Variants in THSD7A observed in about 807,000 individuals in gnomAD.
THSD7A encodes thrombospondin type 1 domain containing 7A.
A neutral mutation model predicts 231.3 loss-of-function variants in THSD7A; 96 were observed. That is an observed-to-expected ratio of 0.41 (90% CI 0.35 to 0.49). The LOEUF is 0.49. THSD7A is among the 20% of genes least tolerant of loss of function. The pLI is 0.05. For synonymous variants in THSD7A, 940 were observed against 743.3 expected, an observed-to-expected ratio of 1.26 and a Z score of -4.30; for missense variants, 2,290 against 2,070.2, an observed-to-expected ratio of 1.11 and a Z score of -2.06.
chr7:11,584,275 A>G (rs1791297919), intron 4 of THSD7A, among the ~76,000 whole-genome samples: 1 of 152,156 alleles, frequency 6.6e-6, no homozygotes, highest in Non-Finnish European at 1.5e-5. Context: ...AAAAATATAT[A>G]TGCAATTATT....
chr7:11,807,274 T>G (rs1784423211), intron 1 of THSD7A, among the ~76,000 whole-genome samples: 1 of 152,064 alleles, frequency 6.6e-6, no homozygotes, highest in Non-Finnish European at 1.5e-5. Flanking sequence ...AGGGACTGGG[T>G]GTGCAAATGA....
chr7:11,624,283 C>G (rs1584102010), intron 2 of THSD7A, among the ~76,000 whole-genome samples: 1 of 152,066 alleles, frequency 6.6e-6, no homozygotes, highest in African/African-American at 2.4e-5. Flanking sequence ...CCCCTCCAAT[C>G]CATTCTGCAT....
At chr7:11,494,869 A>G (rs1787036045) in intron 6 of THSD7A, among the ~76,000 whole-genome samples, 1 of 152,108 alleles carries the variant, frequency 6.6e-6, no homozygotes, top group Admixed American at 6.6e-5. Flanking sequence ...ATTTTCTAAA[A>G]TATAGTTTTC....
At chr7:11,435,869 T>C (rs758322622) in intron 13 of THSD7A, among the ~76,000 whole-genome samples, 1 of 151,982 alleles carries the variant, frequency 6.6e-6, no homozygotes, top group African/African-American at 2.4e-5. Flanking sequence ...TTGCAGCTGA[T>C]ATCTGAAGTG....
intron 2 of THSD7A, among the ~76,000 whole-genome samples, chr7:11,602,636 C>T (rs905920851): frequency 1.3e-5 from 2 of 151,854 alleles, no homozygotes; most frequent in Admixed American, 1.3e-4. Context: ...TCAATTTAGA[C>T]AGTTTTGGGT....
chr7:11,815,613 G>A (rs1784667963), intron 1 of THSD7A, among the ~76,000 whole-genome samples: 1 of 152,094 alleles, frequency 6.6e-6, no homozygotes, highest in South Asian at 2.1e-4. Context: ...CACTACCTAA[G>A]ATAGCATTTC....
At chr7:11,655,295 C>G (rs1012884507) in intron 1 of THSD7A, among the ~76,000 whole-genome samples, 1 of 151,902 alleles carries the variant, frequency 6.6e-6, no homozygotes, top group African/African-American at 2.4e-5. Flanking sequence ...GTAACACAGT[C>G]TTTCTGTGTA....
At chr7:11,543,829 C>T (rs1315134687) in intron 4 of THSD7A, among the ~76,000 whole-genome samples, 1 of 151,504 alleles carries the variant, frequency 6.6e-6, no homozygotes, top group Non-Finnish European at 1.5e-5. Context: ...TTTTTTTATG[C>T]CTGCAGTTTG....
At chr7:11,687,306 A>G (rs1019945409) in intron 1 of THSD7A, among the ~76,000 whole-genome samples, 5 of 151,980 alleles carry the variant, frequency 3.3e-5, no homozygotes, top group African/African-American at 1.2e-4. Flanking sequence ...TATATGTTCA[A>G]TTTAAAATCA....
chr7:11,664,681 A>G (rs1244661680), intron 1 of THSD7A, among the ~76,000 whole-genome samples: 1 of 151,980 alleles, frequency 6.6e-6, no homozygotes, highest in Non-Finnish European at 1.5e-5. Context: ...CACTTAAATA[A>G]CTACCAAGAA....
chr7:11,826,068 C>T (rs2128188375), intron 1 of THSD7A, among the ~76,000 whole-genome samples: 1 of 152,130 alleles, frequency 6.6e-6, no homozygotes, highest in South Asian at 2.1e-4. Context: ...AGCATAAGTA[C>T]ACAAAAGTAA....
At chr7:11,491,940 C>T (rs958549791) in intron 6 of THSD7A, among the ~76,000 whole-genome samples, 4 of 151,940 alleles carry the variant, frequency 2.6e-5, no homozygotes, top group Non-Finnish European at 4.4e-5. Context: ...TCTTGGTTAT[C>T]TCACACTTTT....
chr7:11,418,518 G>T (rs1215450457), intron 16 of THSD7A, among the ~76,000 whole-genome samples: 1 of 152,192 alleles, frequency 6.6e-6, no homozygotes, highest in African/African-American at 2.4e-5. Context: ...GAACAGAACT[G>T]CATTTCAGGA....
chr7:11,510,163 G>A (rs146094187), intron 6 of THSD7A, among the ~76,000 whole-genome samples: 104 of 152,130 alleles, frequency 6.8e-4, no homozygotes, highest in African/African-American at 2.5e-3. Context: ...ATCAGTCAAC[G>A]ACTGGATAAA....
chr7:11,423,980 G>T (rs1156742248), intron 16 of THSD7A, among the ~76,000 whole-genome samples: 1 of 152,122 alleles, frequency 6.6e-6, no homozygotes. Flanking sequence ...TTATTAAGGG[G>T]ATAGACATGA....
chr7:11,681,061 T>G (rs993169549), intron 1 of THSD7A, among the ~76,000 whole-genome samples: 1 of 152,212 alleles, frequency 6.6e-6, no homozygotes, highest in East Asian at 1.9e-4. Flanking sequence ...GGGACATGGA[T>G]GAAGCTGGAA....
intron 1 of THSD7A, among the ~76,000 whole-genome samples, chr7:11,725,590 T>G (rs1028362399): frequency 6.6e-6 from 1 of 152,046 alleles, no homozygotes; most frequent in East Asian, 1.9e-4. Context: ...ACTTTTATGA[T>G]GGATCTTTAT....
chr7:11,633,598 C>T (rs1330079535), intron 2 of THSD7A, among the ~76,000 whole-genome samples: 1 of 152,104 alleles, frequency 6.6e-6, no homozygotes, highest in African/African-American at 2.4e-5. Flanking sequence ...TCTAAGTGTC[C>T]TCCCTAAGTT....
At chr7:11,639,392 G>A (rs537566926) in intron 1 of THSD7A, among the ~76,000 whole-genome samples, 1 of 152,230 alleles carries the variant, frequency 6.6e-6, no homozygotes, top group East Asian at 1.9e-4. Flanking sequence ...TGATTGGGCC[G>A]GGCGCTGTGG....
Sources: allele counts gnomAD v4.1 joint callset (sites outside exome capture counted in the v4.1 genomes callset), GRCh38; gene constraint gnomAD v4.1.1; transcripts MANE v1.5; gene names NCBI Gene and HGNC (gene_info 2026-07-23, HGNC 2026-07-21).